Variants in STK32A observed in about 807,000 individuals in gnomAD.
The protein encoded by STK32A is serine/threonine-protein kinase 32A.
A neutral mutation model predicts 53.2 loss-of-function variants in STK32A; 41 were observed. The ratio of observed to expected loss-of-function variants is 0.77; its 90% CI spans 0.60 to 1.00. STK32A has a LOEUF of 1.00. Ranked by LOEUF, STK32A falls within the 50% of genes least tolerant of loss-of-function variation. STK32A has a pLI of 0.00. For missense variants in STK32A, 458 were observed against 485.8 expected, an observed-to-expected ratio of 0.94 and a Z score of 0.54; for synonymous variants, 166 against 162.8, an observed-to-expected ratio of 1.02 and a Z score of -0.15.
intron 4 of STK32A, among the ~76,000 whole-genome samples, chr5:147,282,135 C>T (rs1752092977): frequency 2.0e-5 from 3 of 152,152 alleles, no homozygotes; most frequent in African/African-American, 7.2e-5. Context: ...CCTGGAAACA[C>T]ATCAAAATGG....
chr5:147,275,505 G>A (rs1021572612), intron 2 of STK32A, among the ~76,000 whole-genome samples: 5 of 151,992 alleles, frequency 3.3e-5, no homozygotes, highest in African/African-American at 7.3e-5. Flanking sequence ...TTAATTTTTT[G>A]TAGAGATGGG....
In STK32A at chr5:147,386,553, C is replaced by T. The variant is rs1404781505; in HGVS notation, c.*2570C>T. ...AGTTAAGCCATAGTGCCATTTCACA[C>T]GTATACATTTATGATGGGATGGGAA... On this transcript the variant is annotated 3_prime_UTR_variant, in exon 13 of 13. Transcript: ENST00000397936. 1 of 152,170 alleles carries T rather than the reference C, an allele frequency of 6.6e-6. No individual in the cohort carries two copies. The highest frequency in any genetic ancestry group is 2.1e-4 in the South Asian group (1 of 4,826). 9.4% of individuals were successfully genotyped at this position (152,170 alleles called of 1,614,324 possible).
At chr5:147,348,502 G>A (rs1755799086) in intron 6 of STK32A, among the ~76,000 whole-genome samples, 1 of 152,218 alleles carries the variant, frequency 6.6e-6, no homozygotes, top group African/African-American at 2.4e-5. Flanking sequence ...CCCAGGTGAT[G>A]CTGATGCTGC....
intron 8 of STK32A, among the ~76,000 whole-genome samples, chr5:147,367,578 T>C (rs1561751326): frequency 6.6e-6 from 1 of 152,038 alleles, no homozygotes; most frequent in Non-Finnish European, 1.5e-5. Context: ...GGTTGTTCTC[T>C]GGTGGGCAGG....
intron 4 of STK32A, among the ~76,000 whole-genome samples, chr5:147,320,440 C>G (rs1358883601): frequency 2.4e-5 from 2 of 83,966 alleles, no homozygotes; most frequent in African/African-American, 6.5e-5. Flanking sequence ...TCTCTCCTTT[C>G]TTTCTTTGAT....
At chr5:147,240,640 T>C (rs1050170936) in intron 2 of STK32A, among the ~76,000 whole-genome samples, 7 of 152,232 alleles carry the variant, frequency 4.6e-5, no homozygotes, top group African/African-American at 1.7e-4. Context: ...ACTTTGTGAA[T>C]TCTGAAGAAG....
At chr5:147,247,563 C>T (rs998353625) in intron 2 of STK32A, among the ~76,000 whole-genome samples, 5 of 152,038 alleles carry the variant, frequency 3.3e-5, no homozygotes, top group Non-Finnish European at 4.4e-5. Context: ...TGGTTATTTA[C>T]GAGAATTACT....
intron 5 of STK32A, among the ~76,000 whole-genome samples, chr5:147,338,110 G>A (rs1246478297): frequency 6.6e-6 from 1 of 152,112 alleles, no homozygotes; most frequent in Non-Finnish European, 1.5e-5. Context: ...ATGTGTTTTT[G>A]CTGTGTCCCC....
rs1272834946 is a variant in STK32A, at chr5:147,342,226, AGTCT to A, written c.435-776_435-773del. On this transcript the variant is annotated intron_variant, in intron 5 of 12. Transcript: ENST00000397936. ...AAATACCTTAATCTTTGACAGACCA[AGTCT>A]GTCAGCTTACTCTTTACTTAAAAAT... Among the ~76,000 whole-genome samples, 5 of 152,300 alleles carry A rather than the reference AGTCT, an allele frequency of 3.3e-5. No individual in the cohort carries two copies. In the East Asian group the frequency reaches 7.7e-4, roughly 24 times the overall value.
At chr5:147,341,656 T>C (rs1009843787) in intron 5 of STK32A, among the ~76,000 whole-genome samples, 3 of 152,154 alleles carry the variant, frequency 2.0e-5, no homozygotes, top group South Asian at 2.1e-4. Flanking sequence ...AAGAATTTTT[T>C]TTTTTAGGAT....
intron 4 of STK32A, among the ~76,000 whole-genome samples, chr5:147,312,557 G>A (rs1414146657): frequency 6.6e-6 from 1 of 152,180 alleles, no homozygotes; most frequent in African/African-American, 2.4e-5. Context: ...ACAAGAGTGG[G>A]TGCGATCACT....
At chr5:147,401,720 A>T in the STK32A span, 6 of 1,613,588 alleles carry the variant, frequency 3.7e-6, no homozygotes, top group Middle Eastern at 3.3e-4. Flanking sequence ...GAAACAGACA[A>T]GGGGTTAGCA....
At chr5:147,395,355 T>C in the STK32A span, among the ~76,000 whole-genome samples, 4 of 152,190 alleles carry the variant, frequency 2.6e-5, no homozygotes, top group Non-Finnish European at 4.4e-5. Flanking sequence ...TCGGCCTGAC[T>C]GCCTTGTCTT....
chr5:147,292,842 C>T (rs1452990611), intron 4 of STK32A, among the ~76,000 whole-genome samples: 2 of 150,052 alleles, frequency 1.3e-5, no homozygotes, highest in African/African-American at 2.5e-5. Flanking sequence ...GCCTGGGCAA[C>T]AAGAGTGAAA....
chr5:147,297,762 G>A (rs1466841716), intron 4 of STK32A, among the ~76,000 whole-genome samples: 1 of 152,122 alleles, frequency 6.6e-6, no homozygotes, highest in Non-Finnish European at 1.5e-5. Context: ...TGAATCACTT[G>A]AGGTCAGGAG....
At chr5:147,303,359 G>A (rs1179197654) in intron 4 of STK32A, among the ~76,000 whole-genome samples, 2 of 152,134 alleles carry the variant, frequency 1.3e-5, no homozygotes, top group African/African-American at 4.8e-5. Flanking sequence ...GCGGGGGCTA[G>A]CCTAACCTTT....
intron 1 of STK32A, among the ~76,000 whole-genome samples, chr5:147,235,528 A>G (rs1166444581): frequency 6.6e-6 from 1 of 152,226 alleles, no homozygotes; most frequent in African/African-American, 2.4e-5. Flanking sequence ...CTCCACAAGG[A>G]CTTTTTCCCC....
At chr5:147,274,148 C>A (rs888851838) in intron 2 of STK32A, among the ~76,000 whole-genome samples, 2 of 152,174 alleles carry the variant, frequency 1.3e-5, no homozygotes, top group Non-Finnish European at 2.9e-5. Context: ...TACCTCCAGG[C>A]AACTTTTAGG....
chr5:147,343,360 A>C, intron 6 of STK32A: 1 of 454,050 alleles, frequency 2.2e-6, no homozygotes, highest in Non-Finnish European at 4.1e-6. Flanking sequence ...ACACGCAATC[A>C]CCTATTTTTT....
Sources: allele counts gnomAD v4.1 joint callset (sites outside exome capture counted in the v4.1 genomes callset), GRCh38; gene constraint gnomAD v4.1.1; transcripts MANE v1.5; gene names NCBI Gene and HGNC (gene_info 2026-07-23, HGNC 2026-07-21).